The following EBF1 variants were observed in gnomAD, a reference collection of about 807,000 sequenced individuals.
EBF1 encodes transcription factor COE1.
A neutral mutation model predicts 68.4 loss-of-function variants in EBF1; 10 were observed. The observed-to-expected ratio is 0.15, with a 90% CI of 0.09 to 0.25. The LOEUF (loss-of-function observed/expected upper bound fraction) is 0.25. Ranked by LOEUF, EBF1 falls within the 10% of genes least tolerant of loss-of-function variation. EBF1 has a pLI of 1.00. For missense variants in EBF1, 509 were observed against 794.4 expected, an observed-to-expected ratio of 0.64 and a Z score of 4.32; for synonymous variants, 298 against 299.8, an observed-to-expected ratio of 0.99 and a Z score of 0.06.
At chr5:158,931,595 T>G (rs1190087403) in intron 6 of EBF1, among the ~76,000 whole-genome samples, 1 of 152,234 alleles carries the variant, frequency 6.6e-6, no homozygotes, top group East Asian at 1.9e-4. Flanking sequence ...TTAAACTAGT[T>G]AGCTGCAGAG....
At chr5:158,902,444 T>C (rs1309747284) in intron 6 of EBF1, among the ~76,000 whole-genome samples, 1 of 148,916 alleles carries the variant, frequency 6.7e-6, no homozygotes, top group Non-Finnish European at 1.5e-5. Context: ...CTTCTAGAAA[T>C]AGGATCTTGC....
At chr5:159,099,256 GGCA>G in intron 1 of EBF1, 86 bp downstream of exon 1, 1 of 1,049,600 alleles carries the variant, frequency 9.5e-7, no homozygotes, top group Non-Finnish European at 1.2e-6. Flanking sequence ...CCGGCCCCGC[GGCA>G]GCAGCTGCCG....
At chr5:158,795,518 C>A (rs755633615) in intron 9 of EBF1, among the ~76,000 whole-genome samples, 2 of 152,144 alleles carry the variant, frequency 1.3e-5, no homozygotes, top group East Asian at 3.9e-4. Flanking sequence ...CCCTATGGTA[C>A]CTTGTAACCC....
At chr5:158,967,753 G>T (rs1346034392) in intron 6 of EBF1, among the ~76,000 whole-genome samples, 1 of 152,168 alleles carries the variant, frequency 6.6e-6, no homozygotes, top group African/African-American at 2.4e-5. Context: ...TAAGGCACAT[G>T]TTAGCCCTGC....
chr5:158,782,786 T>C (rs1412300775), intron 9 of EBF1, among the ~76,000 whole-genome samples: 5 of 152,236 alleles, frequency 3.3e-5, no homozygotes, highest in Non-Finnish European at 7.3e-5. Context: ...TACTAAATCA[T>C]TGACTCCACT....
intron 6 of EBF1, among the ~76,000 whole-genome samples, chr5:158,933,174 A>T (rs1377294944): frequency 6.6e-6 from 1 of 152,032 alleles, no homozygotes; most frequent in East Asian, 1.9e-4. Flanking sequence ...TTCAAAGCAA[A>T]CTGGGAGAAA....
At chr5:158,705,396 A>C (rs2127468939) in intron 15 of EBF1, among the ~76,000 whole-genome samples, 1 of 152,326 alleles carries the variant, frequency 6.6e-6, no homozygotes, top group Non-Finnish European at 1.5e-5. Context: ...TGTCATCCAC[A>C]ACAGTGAATC....
At chr5:158,787,027 T>G (rs1195449299) in intron 9 of EBF1, among the ~76,000 whole-genome samples, 1 of 152,174 alleles carries the variant, frequency 6.6e-6, no homozygotes, top group East Asian at 1.9e-4. Flanking sequence ...TACTAGCACA[T>G]GCAACCAGTA....
intron 4 of EBF1, among the ~76,000 whole-genome samples, chr5:159,090,812 A>T (rs1561994522): frequency 6.6e-6 from 1 of 151,654 alleles, no homozygotes; most frequent in Non-Finnish European, 1.5e-5. Flanking sequence ...ATGGGGTAAT[A>T]ATAATAATAA....
chr5:158,913,806 C>A (rs1185354796), intron 6 of EBF1, among the ~76,000 whole-genome samples: 1 of 152,136 alleles, frequency 6.6e-6, no homozygotes. Flanking sequence ...AGTATTATAC[C>A]AACAGACTGA....
intron 9 of EBF1, among the ~76,000 whole-genome samples, chr5:158,786,864 T>C (rs1421610556): frequency 6.6e-6 from 1 of 152,142 alleles, no homozygotes; most frequent in East Asian, 1.9e-4. Context: ...ACTGATAAAG[T>C]AGTCAGGGAA....
chr5:158,699,142 G>A lies in EBF1; in HGVS notation c.1745C>T (p.Ala582Val), dbSNP rs775985452. 19 of 1,604,098 alleles carry A rather than the reference G, an allele frequency of 1.2e-5. No individual in the cohort carries two copies. The highest frequency in any genetic ancestry group is 4.5e-5 in the East Asian group (2 of 44,644). ...AGGAGGAACAATCATGCCAGATATC[G>A]CTATGAAAGAAAAGACAGAAGTCAA... ...CTSTNGNSLQ[A>V]ISGMIVPPM Residue 582 changes from alanine to valine, a missense_variant and splice_region_variant, in exon 16 of 16, where the codon GCG becomes GTG. Coordinates refer to ENST00000313708, the MANE Select transcript of EBF1 (RefSeq NM_024007.5).
chr5:159,040,346 C>T (rs531583716), intron 6 of EBF1, among the ~76,000 whole-genome samples: 1 of 152,328 alleles, frequency 6.6e-6, no homozygotes, highest in South Asian at 2.1e-4. Context: ...ATCTACTTTA[C>T]ATCCATTGAG....
chr5:159,068,941 T>A (rs1280215637), intron 6 of EBF1, among the ~76,000 whole-genome samples: 1 of 152,098 alleles, frequency 6.6e-6, no homozygotes, highest in East Asian at 1.9e-4. Flanking sequence ...AAGGCCTACA[T>A]CCCATAGCCA....
chr5:159,002,166 TTTTTTTTCATTTTCCA>T (rs2127648708), intron 6 of EBF1, among the ~76,000 whole-genome samples: 2 of 151,926 alleles, frequency 1.3e-5, no homozygotes, highest in Non-Finnish European at 2.9e-5. Flanking sequence ...CCTTTTTTTT[TTTTTTTTCATTTTCCA>T]TTTACTCTTC....
intron 10 of EBF1, among the ~76,000 whole-genome samples, chr5:158,740,860 T>C (rs1369807578): frequency 6.6e-6 from 1 of 152,242 alleles, no homozygotes; most frequent in East Asian, 1.9e-4. Flanking sequence ...ATACATTTAT[T>C]GTCTACTACT....
chr5:158,878,332 C>T (rs1798183385), intron 6 of EBF1, among the ~76,000 whole-genome samples: 1 of 152,004 alleles, frequency 6.6e-6, no homozygotes, highest in Non-Finnish European at 1.5e-5. Context: ...GACTTGTGAC[C>T]ACAGAGCCTC....
At chr5:158,819,569 A>G (rs1483637990) in intron 8 of EBF1, among the ~76,000 whole-genome samples, 3 of 152,300 alleles carry the variant, frequency 2.0e-5, no homozygotes, top group African/African-American at 7.2e-5. Flanking sequence ...GACTCCCCAG[A>G]ACACAGTCTT....
intron 10 of EBF1, among the ~76,000 whole-genome samples, chr5:158,737,484 C>T (rs1765467754): frequency 6.6e-6 from 1 of 151,716 alleles, no homozygotes; most frequent in African/African-American, 2.4e-5. Context: ...CGGGGTTTCA[C>T]CGTGTTAGAC....
Sources: gnomAD v4.1 joint callset for allele counts (sites outside exome capture counted in the v4.1 genomes callset) on GRCh38, gnomAD v4.1.1 for gene constraint, MANE v1.5 for transcripts, NCBI Gene and HGNC (gene_info 2026-07-23, HGNC 2026-07-21) for gene names.